PCDHA8: variants seen among roughly 807,000 people sequenced by gnomAD.
PCDHA8 encodes the protein protocadherin alpha-8.
Under a neutral mutation model 61.8 loss-of-function variants are expected in PCDHA8, and 53 were observed. The observed-to-expected ratio is 0.86, with a 90% CI of 0.69 to 1.08. The LOEUF is 1.08. PCDHA8 is among the 50% of genes least tolerant of loss of function. The pLI is 0.00. For missense variants in PCDHA8, 1,293 were observed against 1,245.0 expected, an observed-to-expected ratio of 1.04 and a Z score of -0.58; for synonymous variants, 618 against 556.6, an observed-to-expected ratio of 1.11 and a Z score of -1.55.
At chr5:140,860,453 G>A (rs1444199849) in intron 1 of PCDHA8, 5 of 152,018 alleles carry the variant, frequency 3.3e-5, no homozygotes, top group African/African-American at 1.2e-4. Flanking sequence ...ATTAATTCAC[G>A]TGATAATACA....
intron 1 of PCDHA8, chr5:140,858,002 G>C (rs782820218): frequency 6.3e-7 from 1 of 1,596,914 alleles, no homozygotes; most frequent in Admixed American, 1.7e-5. Flanking sequence ...GCTGGTGAAG[G>C]ACCATGGCGA....
intron 1 of PCDHA8, chr5:140,884,259 C>T (rs1554181391): frequency 1.9e-6 from 3 of 1,613,378 alleles, no homozygotes; most frequent in Admixed American, 1.7e-5. Flanking sequence ...GCCACGGCAA[C>T]GGTGCTGTTG....
Position 140,901,240 on chromosome 5 carries a change from C to T in PCDHA8, c.2394+57525C>T, listed in dbSNP as rs868923936. 8.9e-4 allele frequency among the ~76,000 whole-genome samples: 135 copies of T among 151,946 alleles called. 1 individual carries two copies. Among genetic ancestry groups the T allele is most frequent in the Middle Eastern group, 6.8e-3 (2 of 294 alleles). The stretch of plus-strand genomic sequence containing the variant: ...TGTGATCCCATATATCCATTTTTTT[C>T]CTTTGGTTCCCTGTGATTGTGGGGT... On this transcript the variant is annotated intron_variant, in intron 1 of 3. Transcript: ENST00000531613.
At chr5:140,893,219 G>T (rs1273209081) in intron 1 of PCDHA8, among the ~76,000 whole-genome samples, 1 of 152,194 alleles carries the variant, frequency 6.6e-6, no homozygotes. Context: ...GGAGGTGCAG[G>T]TATCACTTTG....
rs1475078197 is a variant in PCDHA8, at chr5:140,845,480, C to A, written c.2394+1765C>A. On this transcript the variant is annotated intron_variant, in intron 1 of 3. Coordinates refer to ENST00000531613, the MANE Select transcript of PCDHA8 (RefSeq NM_018911.3). ...TCTGATATTTGAATTTGGGGTTGTG[C>A]TTTCACAGTGAGAAAGTCTAAACCT... is the stretch of plus-strand genomic sequence containing the variant. 1.3e-5 allele frequency among the ~76,000 whole-genome samples: 2 copies of A among 149,578 alleles called. 1 individual carries two copies. Among genetic ancestry groups the A allele is most frequent in the South Asian group, 4.2e-4 (2 of 4,742 alleles).
intron 1 of PCDHA8, chr5:140,865,859 A>T (rs1328083716): frequency 1.3e-5 from 2 of 152,318 alleles, no homozygotes; most frequent in East Asian, 3.9e-4. Context: ...CTGCTCAAAC[A>T]TGGTCTCGGC....
chr5:140,968,476 G>A (rs1295691287), intron 1 of PCDHA8: 1 of 1,613,974 alleles, frequency 6.2e-7, no homozygotes, highest in East Asian at 2.2e-5. Flanking sequence ...TATATGTGGT[G>A]GACATGAATG....
At chr5:140,877,103 C>T (rs782607272) in intron 1 of PCDHA8, 7 of 1,613,552 alleles carry the variant, frequency 4.3e-6, no homozygotes, top group Non-Finnish European at 5.9e-6. Flanking sequence ...GGCGTGCCGC[C>T]TCTGGGCAGC....
intron 1 of PCDHA8, among the ~76,000 whole-genome samples, chr5:140,957,462 T>C (rs574379806): frequency 8.3e-4 from 126 of 152,308 alleles, no homozygotes; most frequent in African/African-American, 2.9e-3. Context: ...ATCATAGGTA[T>C]GTATGTATAG....
intron 3 of PCDHA8, among the ~76,000 whole-genome samples, chr5:141,005,701 CAAAAAAAAAAAAAAAAA>C (rs59860837): frequency 2.6e-4 from 2 of 7,786 alleles, no homozygotes; most frequent in East Asian, 6.3e-3. Flanking sequence ...AACTCCGTCT[CAAAAAAAAAAAAAAAAA>C]AAAAAAAAAA....
intron 1 of PCDHA8, chr5:140,856,667 C>T: frequency 6.3e-7 from 1 of 1,597,938 alleles, no homozygotes; most frequent in Non-Finnish European, 8.6e-7. Context: ...AAATCCTCAG[C>T]TAAAGTTGTT....
chr5:140,877,507 T>G, intron 1 of PCDHA8: 1 of 1,613,744 alleles, frequency 6.2e-7, no homozygotes, highest in Non-Finnish European at 8.5e-7. Flanking sequence ...CCCAAAGACG[T>G]CGTCGCGGGC....
At position 140,993,525 on chromosome 5, in the gene PCDHA8, G is replaced by C. The variant is rs573802745; in HGVS notation, c.2542+10962G>C. On this transcript the variant is annotated intron_variant, in intron 3 of 3. Coordinates refer to ENST00000531613, the MANE Select transcript of PCDHA8 (RefSeq NM_018911.3). Reference sequence around the variant, plus strand: ...ACACACACACGGGGAGAGAGAGACAGAGAGAGAGAGAGATAGAGAAGTGAA... The same window carrying C: ...ACACACACACGGGGAGAGAGAGACACAGAGAGAGAGAGATAGAGAAGTGAA... Among the ~76,000 whole-genome samples the C allele has an allele frequency of 4.8e-5, 7 of 147,308 alleles. No homozygotes were observed. The East Asian group carries it at 1.2e-3, about 24-fold the overall frequency.
At chr5:140,911,202 A>C (rs1554194649) in intron 1 of PCDHA8, among the ~76,000 whole-genome samples, 1 of 152,184 alleles carries the variant, frequency 6.6e-6, no homozygotes. Flanking sequence ...ACATGTTGCC[A>C]CTACTGGGGA....
intron 1 of PCDHA8, among the ~76,000 whole-genome samples, chr5:140,923,268 G>C (rs2081286092): frequency 6.6e-6 from 1 of 152,154 alleles, no homozygotes; most frequent in Non-Finnish European, 1.5e-5. Context: ...GTGAGACCTT[G>C]TCTCTACAAA....
At chr5:140,967,268 C>T in intron 1 of PCDHA8, 1 of 1,613,522 alleles carries the variant, frequency 6.2e-7, no homozygotes, top group Non-Finnish European at 8.5e-7. Context: ...AGCGCGCTTT[C>T]ACATAGAGAG....
rs2150464211 is a variant in PCDHA8 at position 140,850,028 on chromosome 5, C to T, written c.2394+6313C>T. 1.0e-5 allele frequency: 16 copies of T among 1,596,676 alleles called. 1 individual carries two copies. Among genetic ancestry groups the T allele is most frequent in the East Asian group, 2.2e-5 (1 of 44,848 alleles). On this transcript the variant is annotated intron_variant, in intron 1 of 3. Coordinates refer to ENST00000531613, the MANE Select transcript of PCDHA8 (RefSeq NM_018911.3). The stretch of plus-strand genomic sequence containing the variant: ...CGCTGTCGAGCTACGTGTCAGTGCA[C>T]GCGGAGAGCGGCAAGGTGTACGCGC...
At chr5:140,845,037 C>T (rs1189014695) in intron 1 of PCDHA8, among the ~76,000 whole-genome samples, 2 of 149,024 alleles carry the variant, frequency 1.3e-5, no homozygotes, top group Non-Finnish European at 3.0e-5. Flanking sequence ...ATATTTTAGC[C>T]CCCTTGTCCA....
intron 1 of PCDHA8, among the ~76,000 whole-genome samples, chr5:140,902,823 G>A (rs182466889): frequency 1.6e-3 from 246 of 151,864 alleles, no homozygotes; most frequent in Non-Finnish European, 2.9e-3. Flanking sequence ...TTTGGTTTTC[G>A]ATTTCTGAGT....
Sources: allele counts gnomAD v4.1 joint callset (sites outside exome capture counted in the v4.1 genomes callset), GRCh38; gene constraint gnomAD v4.1.1; transcripts MANE v1.5; gene names NCBI Gene and HGNC (gene_info 2026-07-23, HGNC 2026-07-21).